PRKN: variants seen among roughly 807,000 people sequenced by gnomAD.
The protein encoded by PRKN is E3 ubiquitin-protein ligase parkin.
PRKN carries 56 observed loss-of-function variants against 59.5 expected under a neutral mutation model. That is an observed-to-expected ratio of 0.94 (90% CI 0.76 to 1.18). The LOEUF is 1.18. Ranked by LOEUF, PRKN falls within the 50% of genes most tolerant of loss-of-function variation. The pLI, the probability that PRKN is intolerant of heterozygous loss-of-function variation, is 0.00. For missense variants in PRKN, 657 were observed against 596.4 expected (o/e 1.10, Z -1.06); for synonymous variants, 250 against 222.1 (o/e 1.13, Z -1.12).
intron 1 of PRKN, among the ~76,000 whole-genome samples, chr6:162,689,121 A>G (rs887579069): frequency 6.6e-6 from 1 of 152,252 alleles, no homozygotes; most frequent in Admixed American, 6.5e-5. Flanking sequence ...TGTCAAGATC[A>G]GGTGAACAGA....
Position 162,298,170 on chromosome 6 carries a change from G to GGAGAGA in PRKN, c.172-35411_172-35406dup, listed in dbSNP as rs113066522. 2.1e-4 allele frequency among the ~76,000 whole-genome samples: 32 copies of GGAGAGA among 148,890 alleles called. No homozygotes were observed. The South Asian group carries it at 6.6e-3, about 31-fold the overall frequency. ...GGAGGTCAATGGGTACAGACGGAGG[G>GGAGAGA]GAGAGAGAGAGAGAGAGAGAGAGAA... is the stretch of plus-strand genomic sequence containing the variant. On this transcript the variant is annotated intron_variant, in intron 2 of 11. Coordinates refer to ENST00000366898, the MANE Select transcript of PRKN (RefSeq NM_004562.3).
At chr6:161,820,491 A>G (rs1180883189) in intron 6 of PRKN, among the ~76,000 whole-genome samples, 2 of 148,204 alleles carry the variant, frequency 1.3e-5, no homozygotes, top group African/African-American at 4.9e-5. Context: ...AAATATTTAT[A>G]TAATATATAC....
At chr6:161,520,745 T>C (rs1778789982) in intron 9 of PRKN, among the ~76,000 whole-genome samples, 1 of 152,196 alleles carries the variant, frequency 6.6e-6, no homozygotes, top group South Asian at 2.1e-4. Context: ...ACCTTTATTA[T>C]GATAAAAGAG....
chr6:162,556,198 G>C (rs1252175635), intron 1 of PRKN, among the ~76,000 whole-genome samples: 1 of 151,884 alleles, frequency 6.6e-6, no homozygotes, highest in Admixed American at 6.6e-5. Flanking sequence ...ATTATAACTC[G>C]GAAAAAATCT....
At chr6:162,400,016 G>A (rs1042513376) in intron 2 of PRKN, among the ~76,000 whole-genome samples, 2 of 152,096 alleles carry the variant, frequency 1.3e-5, no homozygotes, top group African/African-American at 4.8e-5. Context: ...GACCAGCCTG[G>A]TCCACCATGG....
At chr6:162,034,219 A>AGAGT (rs1554263142) in intron 5 of PRKN, among the ~76,000 whole-genome samples, 3 of 144,600 alleles carry the variant, frequency 2.1e-5, no homozygotes, top group South Asian at 2.2e-4. Context: ...AGAGAGAGAG[A>AGAGT]GTGTCTACTA....
intron 4 of PRKN, among the ~76,000 whole-genome samples, chr6:162,075,011 G>T (rs766789811): frequency 3.9e-5 from 6 of 152,106 alleles, no homozygotes; most frequent in African/African-American, 1.2e-4. Flanking sequence ...TCACATGAAC[G>T]CACTCTTAAC....
At chr6:162,232,729 C>G (rs1476865637) in intron 3 of PRKN, among the ~76,000 whole-genome samples, 2 of 152,032 alleles carry the variant, frequency 1.3e-5, no homozygotes, top group African/African-American at 4.8e-5. Flanking sequence ...TGTCAGTGAT[C>G]AGGGGCTGCC....
At chr6:162,179,054 A>T (rs962078160) in intron 4 of PRKN, among the ~76,000 whole-genome samples, 1 of 151,706 alleles carries the variant, frequency 6.6e-6, no homozygotes, top group Admixed American at 6.6e-5. Context: ...AATTTTTAAA[A>T]TTTTTTTCGT....
chr6:162,018,318 G>A (rs1783007324), intron 5 of PRKN, among the ~76,000 whole-genome samples: 1 of 152,110 alleles, frequency 6.6e-6, no homozygotes, highest in South Asian at 2.1e-4. Flanking sequence ...GAGCCACCGC[G>A]CCCGGCCCAT....
At chr6:162,346,046 G>A (rs1346426876) in intron 2 of PRKN, among the ~76,000 whole-genome samples, 1 of 152,122 alleles carries the variant, frequency 6.6e-6, no homozygotes, top group Admixed American at 6.6e-5. Context: ...ACAGGAGAAA[G>A]GTCCTGACCA....
chr6:161,990,289 C>T lies in PRKN; in HGVS notation c.619-16872G>A, dbSNP rs117790784. ...TCACAGACACAACTGATGCTGATTA[C>T]AGCTGAAGAAATCATTGAGACATTA... On this transcript the variant is annotated intron_variant, in intron 5 of 11. Coordinates refer to ENST00000366898, the MANE Select transcript of PRKN (RefSeq NM_004562.3). Among the ~76,000 whole-genome samples, 40 of 152,342 alleles carry T rather than the reference C, an allele frequency of 2.6e-4. No individual in the cohort carries two copies. The East Asian group carries it at 6.0e-3, about 23-fold the overall frequency.
At chr6:162,554,777 A>G (rs1779489547) in intron 1 of PRKN, among the ~76,000 whole-genome samples, 1 of 152,166 alleles carries the variant, frequency 6.6e-6, no homozygotes, top group Non-Finnish European at 1.5e-5. Flanking sequence ...GCCTCCAGAG[A>G]AGGCGAAAGA....
In PRKN at chr6:161,830,495, G is replaced by A. The variant is rs1792450851; in HGVS notation, c.735-44587C>T. ...TCTCGATCTCCTGACCTCGTGATCTGCCCGCCTCGGCCTCCCAAAGTGCTG... is the reference window on the plus strand; with the variant it reads ...TCTCGATCTCCTGACCTCGTGATCTACCCGCCTCGGCCTCCCAAAGTGCTG... On this transcript the variant is annotated intron_variant, in intron 6 of 11. Coordinates refer to ENST00000366898, the MANE Select transcript of PRKN (RefSeq NM_004562.3). 6.6e-5 allele frequency among the ~76,000 whole-genome samples: 10 copies of A among 152,174 alleles called. No individual in the cohort carries two copies. In the South Asian group the frequency reaches 2.1e-3, roughly 32 times the overall value.
chr6:162,380,756 C>T (rs921168996), intron 2 of PRKN, among the ~76,000 whole-genome samples: 2 of 151,794 alleles, frequency 1.3e-5, no homozygotes, highest in African/African-American at 4.8e-5. Context: ...TTCCACCTTG[C>T]AGCATTGTTT....
chr6:162,117,629 T>A (rs1197145265), intron 4 of PRKN, among the ~76,000 whole-genome samples: 1 of 152,184 alleles, frequency 6.6e-6, no homozygotes, highest in Non-Finnish European at 1.5e-5. Flanking sequence ...CCACTGCAGC[T>A]TGATTCATCC....
intron 6 of PRKN, among the ~76,000 whole-genome samples, chr6:161,873,236 G>A (rs4305700): frequency 5.5e-4 from 83 of 151,902 alleles, no homozygotes; most frequent in African/African-American, 1.9e-3. Flanking sequence ...AGCCTTTCCC[G>A]GGCCTGCCTC....
chr6:161,955,807 A>G (rs1264933498), intron 6 of PRKN, among the ~76,000 whole-genome samples: 2 of 152,240 alleles, frequency 1.3e-5, no homozygotes, highest in Non-Finnish European at 2.9e-5. Context: ...CCAAGATCAC[A>G]CCATTGCACT....
At chr6:161,590,729 C>T (rs1781689628) in intron 7 of PRKN, among the ~76,000 whole-genome samples, 1 of 141,588 alleles carries the variant, frequency 7.1e-6, no homozygotes, top group Non-Finnish European at 1.5e-5. Context: ...GAGTGAGACT[C>T]TGTCTCAAAA....
Sources: gnomAD v4.1 joint callset for allele counts (sites outside exome capture counted in the v4.1 genomes callset) on GRCh38, gnomAD v4.1.1 for gene constraint, MANE v1.5 for transcripts, NCBI Gene and HGNC (gene_info 2026-07-23, HGNC 2026-07-21) for gene names.